The following TDRD10 variants were observed in gnomAD, a reference collection of about 807,000 sequenced individuals.
TDRD10 encodes tudor domain containing 10.
A neutral mutation model predicts 48.0 loss-of-function variants in TDRD10; 40 were observed. The observed-to-expected ratio is 0.83, with a 90% CI of 0.65 to 1.09. The LOEUF (loss-of-function observed/expected upper bound fraction) is 1.09, where lower values mean the gene tolerates loss of function less well. Ranked by LOEUF, TDRD10 falls within the 50% of genes least tolerant of loss-of-function variation. TDRD10 has a pLI of 0.00. For missense variants in TDRD10, 378 were observed against 434.7 expected (o/e 0.87, Z 1.16); for synonymous variants, 162 against 170.4 (o/e 0.95, Z 0.38).
chr1:154,543,882 A>G, intron 8 of TDRD10, 81 bp from the exon 9 acceptor site: 1 of 1,572,206 alleles, frequency 6.4e-7, no homozygotes, highest in Non-Finnish European at 8.6e-7. Flanking sequence ...AGCCTCCTGC[A>G]GGACAGGCGT....
Position 154,542,758 on chromosome 1 carries a change from C to T in TDRD10, c.440C>T (p.Pro147Leu). 1 of 1,613,952 alleles carries T rather than the reference C, an allele frequency of 6.2e-7. No individual in the cohort carries two copies. Among genetic ancestry groups the T allele is most frequent in the Non-Finnish European group, 8.5e-7 (1 of 1,179,896 alleles). The change falls in exon 8 of 13, where the codon CCT (proline) becomes CTT (leucine). Residue 147 changes from proline to leucine, a missense_variant. Physicochemically the swap from Pro to Leu is moderately conservative, Grantham distance 98 (BLOSUM62 -3). This residue lies in a region of TDRD10 where 310 missense variants were observed against 323.6 expected (regional missense o/e 0.96). Coordinates refer to ENST00000368482, the MANE Select transcript of TDRD10 (RefSeq NM_182499.4). ...AAIIQLAPKA[P>L]VDLCETEKLR... ...ATTATACAGCTCGCTCCTAAAGCTC[C>T]TGTTGACCTGTGTGAGACAGAGAAA...
At chr1:154,504,328 A>G (rs1693024085) in intron 1 of TDRD10, among the ~76,000 whole-genome samples, 1 of 152,246 alleles carries the variant, frequency 6.6e-6, no homozygotes, top group Non-Finnish European at 1.5e-5. Context: ...ACTGCTATGA[A>G]TATTTGTGGA....
chr1:154,542,664 G>T, intron 7 of TDRD10, 67 bp from the exon 8 acceptor site: 2 of 1,337,790 alleles, frequency 1.5e-6, no homozygotes, highest in East Asian at 2.3e-5. Flanking sequence ...GGCCTCTTGT[G>T]GGTTAGGGGA....
chr1:154,536,942 G>A (rs1694951759), intron 6 of TDRD10, among the ~76,000 whole-genome samples: 1 of 152,182 alleles, frequency 6.6e-6, no homozygotes, highest in African/African-American at 2.4e-5. Context: ...AGAACCCACT[G>A]GAGGAGGCCA....
chr1:154,542,379 C>T (rs867837385), intron 7 of TDRD10, among the ~76,000 whole-genome samples: 3 of 152,300 alleles, frequency 2.0e-5, no homozygotes, highest in South Asian at 2.1e-4. Flanking sequence ...AGGTGTGCAT[C>T]GCCATGCCTG....
At chr1:154,520,938 T>C (rs1205413229) in intron 5 of TDRD10, among the ~76,000 whole-genome samples, 1 of 152,150 alleles carries the variant, frequency 6.6e-6, no homozygotes, top group African/African-American at 2.4e-5. Context: ...GGGGCTTTGC[T>C]ATGTTGCCCA....
At chr1:154,504,411 C>T (rs1045574566) in intron 1 of TDRD10, among the ~76,000 whole-genome samples, 3 of 152,152 alleles carry the variant, frequency 2.0e-5, no homozygotes, top group Non-Finnish European at 2.9e-5. Flanking sequence ...TGGGTCATAT[C>T]GTAATTCCCT....
intron 4 of TDRD10, among the ~76,000 whole-genome samples, chr1:154,510,335 G>A (rs903605911): frequency 1.3e-5 from 2 of 152,032 alleles, no homozygotes; most frequent in African/African-American, 4.8e-5. Flanking sequence ...GTTCATGCCT[G>A]TAATCCCAGC....
intron 4 of TDRD10, among the ~76,000 whole-genome samples, chr1:154,511,012 C>G (rs924971831): frequency 1.3e-5 from 2 of 151,594 alleles, no homozygotes; most frequent in African/African-American, 4.8e-5. Flanking sequence ...CGCCACTGCA[C>G]TCCAGCCTGG....
intron 8 of TDRD10, 28 bp from the exon 9 acceptor site, chr1:154,543,935 T>C (rs1313449303): frequency 6.2e-7 from 1 of 1,612,506 alleles, no homozygotes; most frequent in South Asian, 1.1e-5. Flanking sequence ...AGTCGTTCCT[T>C]TCCTTGCTCC....
intron 4 of TDRD10, 148 bp downstream of exon 4, chr1:154,508,629 A>G: frequency 1.5e-6 from 1 of 651,502 alleles, no homozygotes; most frequent in Non-Finnish European, 2.8e-6. Flanking sequence ...TAGGGTAACC[A>G]ATGCATCACA....
chr1:154,506,698 C>T (rs929150914), intron 1 of TDRD10, among the ~76,000 whole-genome samples, 179 bp from the exon 2 acceptor site: 1 of 152,180 alleles, frequency 6.6e-6, no homozygotes, highest in Non-Finnish European at 1.5e-5. Flanking sequence ...TGATGGGCAA[C>T]CTTAACTCCA....
At chr1:154,539,127 CT>C (rs377116674) in intron 6 of TDRD10, among the ~76,000 whole-genome samples, 64 of 152,270 alleles carry the variant, frequency 4.2e-4, no homozygotes, top group African/African-American at 1.3e-3. Flanking sequence ...TGAATCCGCA[CT>C]TGTAACTGCT....
At chr1:154,542,126 C>A in intron 7 of TDRD10, 60 bp downstream of exon 7, 1 of 1,556,766 alleles carries the variant, frequency 6.4e-7, no homozygotes, top group Non-Finnish European at 8.8e-7. Flanking sequence ...TAATGGACCT[C>A]TTCCAGCCCC....
At chr1:154,547,333 C>T (rs962245719) in intron 11 of TDRD10, 76 bp from the exon 12 acceptor site, 78 of 1,541,222 alleles carry the variant, frequency 5.1e-5, no homozygotes, top group Non-Finnish European at 4.3e-5. Context: ...GCAGCCCCCG[C>T]CTTTTGCTTC....
chr1:154,517,160 G>A (rs142646510), intron 4 of TDRD10, among the ~76,000 whole-genome samples: 358 of 152,286 alleles, frequency 2.4e-3, no homozygotes, highest in Middle Eastern at 0.01. Flanking sequence ...TTGGGGGTAG[G>A]CATTGGGAAT....
At chr1:154,504,143 C>T (rs1346849877) in intron 1 of TDRD10, among the ~76,000 whole-genome samples, 1 of 152,182 alleles carries the variant, frequency 6.6e-6, no homozygotes, top group East Asian at 1.9e-4. Context: ...CAATATGTGG[C>T]CTTCTTTCCC....
chr1:154,531,913 G>C (rs1694649478), intron 6 of TDRD10, among the ~76,000 whole-genome samples: 1 of 152,220 alleles, frequency 6.6e-6, no homozygotes, highest in African/African-American at 2.4e-5. Flanking sequence ...GTCGATTGGT[G>C]TATTCACAAA....
chr1:154,547,976 C>A lies in TDRD10; in HGVS notation c.*266C>A. On this transcript the variant is annotated 3_prime_UTR_variant, in exon 13 of 13. Transcript: ENST00000368482. ...CTACCATTAGGTTGAAAGCCTGAGG[C>A]AGCTGGGATGGTCTTTCTTGTGTCT... is the stretch of plus-strand genomic sequence containing the variant. 3.6e-6 allele frequency: 2 copies of A among 552,264 alleles called. No individual in the cohort carries two copies. The highest frequency in any genetic ancestry group is 6.1e-5 in the East Asian group (2 of 32,810). 34.2% of individuals were successfully genotyped at this position (552,264 alleles called of 1,614,324 possible). A position where few individuals can be genotyped will look rare whatever the true frequency, so the allele number is the denominator to read the frequency against.
Sources: gnomAD v4.1 joint callset for allele counts (sites outside exome capture counted in the v4.1 genomes callset) on GRCh38, gnomAD v4.1.1 for gene constraint, gnomAD v4.1.1 regional missense constraint, MANE v1.5 for transcripts, NCBI Gene and HGNC (gene_info 2026-07-23, HGNC 2026-07-21) for gene names.